The following HDAC1 variants were observed in gnomAD, a reference collection of about 807,000 sequenced individuals.
The protein encoded by HDAC1 is protein deacetylase HDAC1.
A neutral mutation model predicts 65.5 loss-of-function variants in HDAC1; 18 were observed. The ratio of observed to expected loss-of-function variants is 0.27; its 90% CI spans 0.19 to 0.41. The LOEUF (loss-of-function observed/expected upper bound fraction) is 0.41. Among genes scored for constraint, HDAC1 ranks in the 10% least tolerant of loss-of-function variants. HDAC1 has a pLI of 1.00. For missense variants in HDAC1, 373 were observed against 625.2 expected (o/e 0.60, Z 4.30); for synonymous variants, 211 against 227.9 (o/e 0.93, Z 0.67).
chr1:32,332,046 A>G, intron 11 of HDAC1, 44 bp from the exon 12 acceptor site: 1 of 1,512,716 alleles, frequency 6.6e-7, no homozygotes, highest in Non-Finnish European at 8.8e-7. Context: ...GAGCTAAATC[A>G]GCACCCGCCT....
intron 4 of HDAC1, among the ~76,000 whole-genome samples, chr1:32,325,515 A>T (rs1570035392): frequency 6.6e-6 from 1 of 152,218 alleles, no homozygotes; most frequent in South Asian, 2.1e-4. Flanking sequence ...TGTGTCACAC[A>T]TATACAACAT....
chr1:32,306,944 T>C (rs985864844), intron 2 of HDAC1, among the ~76,000 whole-genome samples: 4 of 152,164 alleles, frequency 2.6e-5, no homozygotes, highest in Non-Finnish European at 4.4e-5. Flanking sequence ...TACAGTTTCA[T>C]GCATAGAAGA....
intron 1 of HDAC1, among the ~76,000 whole-genome samples, chr1:32,296,396 A>C (rs181107572): frequency 6.6e-6 from 1 of 151,980 alleles, no homozygotes; most frequent in African/African-American, 2.4e-5. Flanking sequence ...ACAGGGCCTC[A>C]CTCTGTCACT....
At chr1:32,302,519 G>A (rs1049325226) in intron 1 of HDAC1, 102 bp from the exon 2 acceptor site, 2 of 610,924 alleles carry the variant, frequency 3.3e-6, no homozygotes, top group African/African-American at 1.9e-5. Flanking sequence ...CTAGAAATGA[G>A]CCAGAAAGAA....
At chr1:32,305,288 C>G (rs1446870312) in intron 2 of HDAC1, among the ~76,000 whole-genome samples, 1 of 152,150 alleles carries the variant, frequency 6.6e-6, no homozygotes, top group Non-Finnish European at 1.5e-5. Flanking sequence ...ATTGCAAATA[C>G]TGCTGCTATG....
Position 32,299,812 on chromosome 1 carries a change from T to A in HDAC1, c.50-2809T>A, listed in dbSNP as rs565462954. On this transcript the variant is annotated intron_variant, in intron 1 of 13. Coordinates refer to ENST00000373548, the MANE Select transcript of HDAC1 (RefSeq NM_004964.3). ...TGGCTCACACCTGTAATCCCAGCAC[T>A]TTGGGAGGCCGAGGTGGACGGATCA... Among the ~76,000 whole-genome samples, 19 of 152,298 alleles carry A rather than the reference T, an allele frequency of 1.2e-4. No homozygotes were observed. The South Asian group carries it at 3.7e-3, about 30-fold the overall frequency.
Position 32,329,519 on chromosome 1 carries a change from T to C in HDAC1, c.729+359T>C, listed in dbSNP as rs1641263438. 2.9e-6 allele frequency: 1 copy of C among 339,628 alleles called. No homozygotes were observed. Among genetic ancestry groups the C allele is most frequent in the African/African-American group, 2.1e-5 (1 of 48,424 alleles). 21.0% of individuals were successfully genotyped at this position (339,628 alleles called of 1,614,324 possible). A position where few individuals can be genotyped will look rare whatever the true frequency, so the allele number is the denominator to read the frequency against. On this transcript the variant is annotated intron_variant, in intron 7 of 13. Transcript: ENST00000373548. This position sits in a 1 kb window ranked among gnomAD's most constrained non-coding sequence, Gnocchi z 4.1. ...TTATTGTGTTCTTTTGGTAGTGGTA[T>C]GTCTCCTTGGTTTTTTGTGTTCCTC...
chr1:32,297,447 G>A (rs1640783506), intron 1 of HDAC1, among the ~76,000 whole-genome samples: 1 of 152,130 alleles, frequency 6.6e-6, no homozygotes, highest in South Asian at 2.1e-4. Flanking sequence ...TACTTGGGAG[G>A]TTGAGGTGGG....
chr1:32,332,949 A>T, intron 13 of HDAC1, 68 bp from the exon 14 acceptor site: 1 of 1,522,740 alleles, frequency 6.6e-7, no homozygotes, highest in Non-Finnish European at 9.1e-7. Context: ...TGTGGAAGTC[A>T]CTGTCTGCAC....
At chr1:32,324,428 T>C (rs1458426908) in intron 3 of HDAC1, 51 bp from the exon 4 acceptor site, 9 of 1,264,366 alleles carry the variant, frequency 7.1e-6, no homozygotes, top group Middle Eastern at 1.9e-4. Context: ...CTCATAAATA[T>C]GTAAACTAAA....
Position 32,332,654 on chromosome 1 carries a change from T to C in HDAC1, c.1373-47T>C, listed in dbSNP as rs530409796. On this transcript the variant is annotated intron_variant, in intron 12 of 13. Coordinates refer to ENST00000373548, the MANE Select transcript of HDAC1 (RefSeq NM_004964.3). Reference sequence around the variant, plus strand: ...AGGGTAAATGAAGACCTCATGGGTCTTCCCAGAGGTGCTGCCCTTGGCCAT... The same window carrying C: ...AGGGTAAATGAAGACCTCATGGGTCCTCCCAGAGGTGCTGCCCTTGGCCAT... The C allele has an allele frequency of 2.6e-5, 38 of 1,442,072 alleles. 2 individuals carry two copies. In the Admixed American group the frequency reaches 6.1e-4, roughly 23 times the overall value. 89.3% of individuals were successfully genotyped at this position (1,442,072 alleles called of 1,614,324 possible).
intron 3 of HDAC1, among the ~76,000 whole-genome samples, chr1:32,322,871 C>T (rs1040570831): frequency 6.6e-6 from 1 of 152,160 alleles, no homozygotes; most frequent in Non-Finnish European, 1.5e-5. Flanking sequence ...CTTAACTTCT[C>T]GGTATCTGTT....
intron 2 of HDAC1, among the ~76,000 whole-genome samples, chr1:32,309,699 A>C (rs940551032): frequency 6.7e-5 from 10 of 148,518 alleles, no homozygotes; most frequent in Non-Finnish European, 9.1e-5. Flanking sequence ...AAAAAAAAAA[A>C]AAACAAGCCT....
intron 2 of HDAC1, among the ~76,000 whole-genome samples, chr1:32,306,972 G>A (rs753130722): frequency 6.6e-6 from 1 of 152,128 alleles, no homozygotes; most frequent in Non-Finnish European, 1.5e-5. Flanking sequence ...CTGGCCGGGC[G>A]TGGTGGCTCA....
intron 2 of HDAC1, 150 bp downstream of exon 2, chr1:32,302,883 GATTT>G: frequency 1.7e-6 from 1 of 602,864 alleles, no homozygotes. Context: ...AAATGATAAA[GATTT>G]TTGGCTGGGC....
In HDAC1 at chr1:32,331,262, G is replaced by C. The variant is rs1050261662; in HGVS notation, c.980-212G>C. Among the ~76,000 whole-genome samples the C allele has an allele frequency of 6.6e-6, 1 of 152,142 alleles. No individual in the cohort carries two copies. Among genetic ancestry groups the C allele is most frequent in the East Asian group, 1.9e-4 (1 of 5,198 alleles). ...CCAGGGACATGGGCCTTCTCCTAGC[G>C]ACATATACACCACTGGTACAGACAT... On this transcript the variant is annotated intron_variant, in intron 9 of 13. Transcript: ENST00000373548. This position sits in a 1 kb window ranked among gnomAD's most constrained non-coding sequence, Gnocchi z 4.2.
intron 2 of HDAC1, among the ~76,000 whole-genome samples, chr1:32,308,777 C>T (rs1449402303): frequency 6.6e-6 from 1 of 151,856 alleles, no homozygotes; most frequent in African/African-American, 2.4e-5. Context: ...CTCAGCCTCC[C>T]AAAGTGCTGG....
rs375793335 is a variant in HDAC1 at position 32,327,704 on chromosome 1, G to A, written c.636+27G>A. 17 of 1,611,588 alleles carry A rather than the reference G, an allele frequency of 1.1e-5. No individual in the cohort carries two copies. The African/African-American group carries it at 1.3e-4, about 13-fold the overall frequency. ...TGAGAACGCCCTTTAGGAGCCAACCGGCTTACCCTCAGCTGGCAGCTCTAC... is the reference window on the plus strand; with the variant it reads ...TGAGAACGCCCTTTAGGAGCCAACCAGCTTACCCTCAGCTGGCAGCTCTAC... On this transcript the variant is annotated intron_variant, in intron 6 of 13. Transcript: ENST00000373548. The surrounding 1 kb of genome is among the most constrained non-coding windows in gnomAD (Gnocchi z 6.0).
At chr1:32,326,773 T>C (rs1420553023) in intron 4 of HDAC1, among the ~76,000 whole-genome samples, 166 bp from the exon 5 acceptor site, 1 of 151,264 alleles carries the variant, frequency 6.6e-6, no homozygotes, top group East Asian at 1.9e-4. Context: ...GACAGTATCA[T>C]GTATTCCCTG....
Sources: allele counts gnomAD v4.1 joint callset (sites outside exome capture counted in the v4.1 genomes callset), GRCh38; gene constraint gnomAD v4.1.1; non-coding constraint Gnocchi (gnomAD v3.1); transcripts MANE v1.5; gene names NCBI Gene and HGNC (gene_info 2026-07-23, HGNC 2026-07-21).